SLIT2: variants seen among roughly 807,000 people sequenced by gnomAD.
SLIT2 encodes slit guidance ligand 2.
A neutral mutation model predicts 185.7 loss-of-function variants in SLIT2; 41 were observed. The observed-to-expected ratio is 0.22, with a 90% CI of 0.17 to 0.29. SLIT2 has a LOEUF of 0.29. Ranked by LOEUF, SLIT2 falls within the 10% of genes least tolerant of loss-of-function variation. SLIT2 has a pLI of 1.00. For missense variants in SLIT2, 1,571 were observed against 1,909.0 expected, an observed-to-expected ratio of 0.82 and a Z score of 3.30; for synonymous variants, 693 against 680.2, an observed-to-expected ratio of 1.02 and a Z score of -0.29.
Position 20,546,112 on chromosome 4 carries a change from T to C in SLIT2, c.2345+13T>C, listed in dbSNP as rs1322621519. 2.7e-6 allele frequency: 4 copies of C among 1,492,004 alleles called. No homozygotes were observed. The highest frequency in any genetic ancestry group is 1.4e-5 in the African/African-American group (1 of 71,892). The allele number at this position is 1,492,004 out of a possible 1,614,324, so 92.4% of individuals were successfully genotyped here. ...ATTTAACACTTATGTGAGTAACATA[T>C]TGCACTTTTCTTTGACTTACTCTAT... On this transcript the variant is annotated intron_variant, in intron 22 of 36. Transcript: ENST00000504154.
chr4:20,350,129 C>A (rs1472713978), intron 4 of SLIT2, among the ~76,000 whole-genome samples: 2 of 152,162 alleles, frequency 1.3e-5, no homozygotes, highest in East Asian at 3.9e-4. Flanking sequence ...GTTCAGATTG[C>A]AAACCCTCTG....
intron 29 of SLIT2, among the ~76,000 whole-genome samples, chr4:20,580,067 A>ATATATATAT (rs1360174290): frequency 9.0e-5 from 3 of 33,196 alleles, no homozygotes; most frequent in Non-Finnish European, 1.4e-4. Flanking sequence ...TGTATATATT[A>ATATATATAT]TATATATATA....
intron 4 of SLIT2, among the ~76,000 whole-genome samples, chr4:20,274,855 A>G (rs1006793823): frequency 1.3e-5 from 2 of 152,044 alleles, no homozygotes; most frequent in African/African-American, 4.8e-5. Context: ...TTTGTAGAAT[A>G]CTATGATCAA....
intron 3 of SLIT2, among the ~76,000 whole-genome samples, chr4:20,258,336 G>C (rs1286046287): frequency 2.6e-5 from 4 of 151,394 alleles, no homozygotes; most frequent in Non-Finnish European, 4.4e-5. Context: ...TTTTCATGGT[G>C]GTGCTTTGTG....
intron 4 of SLIT2, among the ~76,000 whole-genome samples, chr4:20,363,469 A>G (rs1722891497): frequency 6.6e-6 from 1 of 152,140 alleles, no homozygotes; most frequent in Non-Finnish European, 1.5e-5. Flanking sequence ...CTTCTCTCCC[A>G]TGGTAATGTA....
At chr4:20,449,219 G>C (rs1712189741) in intron 4 of SLIT2, among the ~76,000 whole-genome samples, 2 of 152,010 alleles carry the variant, frequency 1.3e-5, no homozygotes, top group African/African-American at 4.8e-5. Flanking sequence ...AATCCAGGTA[G>C]GATTATTTGG....
At chr4:20,278,239 T>C (rs1338778886) in intron 4 of SLIT2, among the ~76,000 whole-genome samples, 1 of 151,682 alleles carries the variant, frequency 6.6e-6, no homozygotes, top group Non-Finnish European at 1.5e-5. Context: ...TTTTTTTTTG[T>C]TGTTGTTGTT....
chr4:20,589,878 A>C, intron 30 of SLIT2, 141 bp downstream of exon 30: 2 of 570,880 alleles, frequency 3.5e-6, no homozygotes, highest in Non-Finnish European at 6.3e-6. Context: ...GACATTTTTT[A>C]AATGTCGATA....
At chr4:20,591,386 A>T (rs1727503054) in intron 30 of SLIT2, among the ~76,000 whole-genome samples, 1 of 152,176 alleles carries the variant, frequency 6.6e-6, no homozygotes, top group Non-Finnish European at 1.5e-5. Flanking sequence ...AATCTAAATT[A>T]AATATTTATT....
chr4:20,321,489 C>T (rs1719078392), intron 4 of SLIT2, among the ~76,000 whole-genome samples: 1 of 152,126 alleles, frequency 6.6e-6, no homozygotes, highest in Admixed American at 6.5e-5. Flanking sequence ...TGTAGGACCC[C>T]AGTGACTAGC....
intron 4 of SLIT2, among the ~76,000 whole-genome samples, chr4:20,291,904 CTGTGTGTGTG>C (rs35335088): frequency 0.012 from 1,756 of 146,958 alleles, 19 homozygotes; most frequent in African/African-American, 0.038. Flanking sequence ...CTGCACACCT[CTGTGTGTGTG>C]TGTGTGTGTG....
intron 4 of SLIT2, among the ~76,000 whole-genome samples, chr4:20,443,392 G>C (rs1357882139): frequency 6.6e-6 from 1 of 152,058 alleles, no homozygotes; most frequent in African/African-American, 2.4e-5. Context: ...AAAAGTTCAA[G>C]GGATTGGTGC....
chr4:20,363,788 C>T (rs1722911731), intron 4 of SLIT2, among the ~76,000 whole-genome samples: 1 of 152,106 alleles, frequency 6.6e-6, no homozygotes, highest in East Asian at 1.9e-4. Context: ...AAAATTTGAT[C>T]TATAAAATCT....
intron 4 of SLIT2, among the ~76,000 whole-genome samples, chr4:20,422,907 CT>C (rs1385779003): frequency 6.6e-6 from 1 of 150,884 alleles, no homozygotes; most frequent in African/African-American, 2.4e-5. Flanking sequence ...GCACTATTAA[CT>C]TTAGCCACTC....
chr4:20,287,700 T>C (rs953657371), intron 4 of SLIT2, among the ~76,000 whole-genome samples: 1 of 152,188 alleles, frequency 6.6e-6, no homozygotes, highest in African/African-American at 2.4e-5. Flanking sequence ...TATGTAAAAA[T>C]GATCATATAG....
At chr4:20,294,894 A>G (rs1716316312) in intron 4 of SLIT2, among the ~76,000 whole-genome samples, 1 of 152,204 alleles carries the variant, frequency 6.6e-6, no homozygotes, top group African/African-American at 2.4e-5. Flanking sequence ...AAAGGTCTGA[A>G]TGGTATATCA....
intron 3 of SLIT2, among the ~76,000 whole-genome samples, chr4:20,258,641 A>G (rs1272326340): frequency 6.6e-6 from 1 of 151,784 alleles, no homozygotes; most frequent in Non-Finnish European, 1.5e-5. Context: ...AAAAATGTTT[A>G]CAGTATATAT....
Position 20,363,250 on chromosome 4 carries a change from C to T in SLIT2, c.395+94369C>T, listed in dbSNP as rs564372885. 6.4e-4 allele frequency among the ~76,000 whole-genome samples: 97 copies of T among 152,124 alleles called. No individual in the cohort carries two copies. The South Asian group carries it at 0.015, about 23-fold the overall frequency. On this transcript the variant is annotated intron_variant, in intron 4 of 36. Transcript: ENST00000504154. The stretch of plus-strand genomic sequence containing the variant: ...CTTAATTTGAAACACGTGTGTGATA[C>T]ATAACATGTACAGCAAAAGATAAAA...
At chr4:20,572,943 C>T (rs1470573442) in intron 29 of SLIT2, among the ~76,000 whole-genome samples, 6 of 152,332 alleles carry the variant, frequency 3.9e-5, no homozygotes, top group East Asian at 1.9e-4. Flanking sequence ...GAATCTCTGA[C>T]GCCCATGCAC....
Sources: gnomAD v4.1 joint callset for allele counts (sites outside exome capture counted in the v4.1 genomes callset) on GRCh38, gnomAD v4.1.1 for gene constraint, MANE v1.5 for transcripts, NCBI Gene and HGNC (gene_info 2026-07-23, HGNC 2026-07-21) for gene names.